Variants in THRAP3 observed in about 807,000 individuals in gnomAD.
THRAP3 encodes thyroid hormone receptor-associated protein 3.
THRAP3 carries 16 observed loss-of-function variants against 101.0 expected under a neutral mutation model. The ratio of observed to expected loss-of-function variants is 0.16; its 90% CI spans 0.11 to 0.24. The LOEUF (loss-of-function observed/expected upper bound fraction) is 0.24. Ranked by LOEUF, THRAP3 falls within the 10% of genes least tolerant of loss-of-function variation. THRAP3 has a pLI of 1.00. For synonymous variants in THRAP3, 407 were observed against 422.6 expected (o/e 0.96, Z 0.45); for missense variants, 989 against 1,202.7 (o/e 0.82, Z 2.63).
intron 1 of THRAP3, among the ~76,000 whole-genome samples, chr1:36,236,206 C>A (rs375497804): frequency 6.7e-5 from 10 of 148,296 alleles, no homozygotes; most frequent in Non-Finnish European, 1.0e-4. Context: ...GGTGACACAG[C>A]GAGACTCAGT....
intron 2 of THRAP3, 138 bp from the exon 3 acceptor site, chr1:36,282,395 A>ATTT: frequency 1.5e-5 from 9 of 598,386 alleles, no homozygotes; most frequent in South Asian, 2.3e-5. Context: ...ATTAAAAAAA[A>ATTT]ATTTTTTTTT....
chr1:36,281,336 CT>C (rs1320299877), intron 2 of THRAP3, among the ~76,000 whole-genome samples: 6 of 152,212 alleles, frequency 3.9e-5, no homozygotes, highest in African/African-American at 1.4e-4. Context: ...CTCACATCTC[CT>C]CATTACTTTT....
intron 2 of THRAP3, among the ~76,000 whole-genome samples, chr1:36,261,741 G>A (rs1570283862): frequency 1.3e-5 from 2 of 152,194 alleles, no homozygotes; most frequent in Admixed American, 6.5e-5. Flanking sequence ...GGAAGCAACC[G>A]GTCGGGTTCT....
chr1:36,222,897 G>A (rs866597857), upstream of THRAP3, among the ~76,000 whole-genome samples: 1 of 152,278 alleles, frequency 6.6e-6, no homozygotes, highest in Middle Eastern at 3.4e-3. Flanking sequence ...GGAAGGCCGA[G>A]GCAGGTGGAT....
intron 1 of THRAP3, among the ~76,000 whole-genome samples, chr1:36,247,805 A>G (rs1355054497): frequency 1.3e-5 from 2 of 150,088 alleles, no homozygotes; most frequent in African/African-American, 4.9e-5. Context: ...TGCACTTACC[A>G]TGTTGCCCAA....
chr1:36,293,624 CTG>C lies in THRAP3; in HGVS notation c.2031-224_2031-223del, dbSNP rs1217385937. On this transcript the variant is annotated intron_variant, in intron 7 of 11. Transcript: ENST00000354618. ...ACAAAAACCTCTAACTTCTGTTACA[CTG>C]TGGGAACCTGGGACTGTGTGTGTGT... Among the ~76,000 whole-genome samples the C allele has an allele frequency of 5.7e-5, 7 of 123,170 alleles. No homozygotes were observed. In the South Asian group the frequency reaches 1.3e-3, roughly 24 times the overall value. The allele number at this position is 123,170 out of a possible 152,430, so 80.8% of individuals were successfully genotyped here. A position where few individuals can be genotyped will look rare whatever the true frequency, so the allele number is the denominator to read the frequency against.
At chr1:36,251,034 C>T (rs574430254) in intron 1 of THRAP3, among the ~76,000 whole-genome samples, 28 of 152,060 alleles carry the variant, frequency 1.8e-4, no homozygotes, top group East Asian at 5.9e-4. Context: ...GGTGAGTCAC[C>T]GCACCTGGCC....
chr1:36,249,837 G>A (rs1357045084), intron 1 of THRAP3, among the ~76,000 whole-genome samples: 1 of 152,040 alleles, frequency 6.6e-6, no homozygotes, highest in Non-Finnish European at 1.5e-5. Context: ...GTTTGATTAA[G>A]GGTAGAAGCA....
chr1:36,296,726 A>G lies in THRAP3; in HGVS notation c.2259A>G (p.Ser753=). 1 of 1,604,026 alleles carries G rather than the reference A, an allele frequency of 6.2e-7. No individual in the cohort carries two copies. Reference sequence around the variant, plus strand: ...ACTCCAGTCACTCAAGGGAAAGGTCAGCTGAAAAAACAGAGAAAACTCATA... The same window carrying G: ...ACTCCAGTCACTCAAGGGAAAGGTCGGCTGAAAAAACAGAGAAAACTCATA... The part of the protein sequence containing the change: ...SRDSSHSRER[S]AEKTEKTHKG... Residue 753 remains serine, a synonymous_variant, in exon 9 of 12, where the codon TCA becomes TCG. Coordinates refer to ENST00000354618, the MANE Select transcript of THRAP3 (RefSeq NM_005119.4).
At chr1:36,266,985 A>G (rs1044510506) in intron 2 of THRAP3, among the ~76,000 whole-genome samples, 3 of 151,986 alleles carry the variant, frequency 2.0e-5, no homozygotes, top group Admixed American at 6.6e-5. Context: ...GGTTCAAGCA[A>G]TTCTCCTGTC....
chr1:36,271,195 G>A (rs1005666073), intron 2 of THRAP3, among the ~76,000 whole-genome samples: 2 of 152,150 alleles, frequency 1.3e-5, no homozygotes, highest in African/African-American at 4.8e-5. Context: ...TTTAAAGTAA[G>A]TTCTACCAAA....
At chr1:36,279,141 A>G (rs1352082197) in intron 2 of THRAP3, among the ~76,000 whole-genome samples, 1 of 152,100 alleles carries the variant, frequency 6.6e-6, no homozygotes, top group Non-Finnish European at 1.5e-5. Flanking sequence ...CTTCATCTTA[A>G]TGAAAATTAG....
chr1:36,219,195 G>A, the THRAP3 span, among the ~76,000 whole-genome samples: 492 of 152,226 alleles, frequency 3.2e-3, 3 homozygotes, highest in African/African-American at 0.012. Flanking sequence ...CTAGAACAAG[G>A]CTCCAACTCT....
chr1:36,295,418 C>G lies in THRAP3; in HGVS notation c.2116-1165C>G, dbSNP rs537609013. On this transcript the variant is annotated intron_variant, in intron 8 of 11. Coordinates refer to ENST00000354618, the MANE Select transcript of THRAP3 (RefSeq NM_005119.4). The stretch of plus-strand genomic sequence containing the variant: ...GGGATGTCCCGGAACTACCATGCAC[C>G]TTTGCCCCACCGAGTTTCCCAAGAA... 3.3e-5 allele frequency among the ~76,000 whole-genome samples: 5 copies of G among 152,270 alleles called. No homozygotes were observed. The East Asian group carries it at 7.7e-4, about 23-fold the overall frequency.
At chr1:36,216,701 C>T in the THRAP3 span, among the ~76,000 whole-genome samples, 1 of 151,880 alleles carries the variant, frequency 6.6e-6, no homozygotes, top group African/African-American at 2.4e-5. Flanking sequence ...GGGAGGATTG[C>T]TTGAGCCCAG....
At chr1:36,249,003 T>C (rs1645265328) in intron 1 of THRAP3, among the ~76,000 whole-genome samples, 1 of 151,032 alleles carries the variant, frequency 6.6e-6, no homozygotes, top group Non-Finnish European at 1.5e-5. Flanking sequence ...TGGGTTCAAA[T>C]GATTCTCCTG....
chr1:36,294,207 TGA>T (rs1557455371), intron 8 of THRAP3: 1 of 1,215,698 alleles, frequency 8.2e-7, no homozygotes, highest in East Asian at 3.6e-5. Flanking sequence ...GTGCCCATGA[TGA>T]GAGAAGAAAC....
chr1:36,218,641 G>A, the THRAP3 span, among the ~76,000 whole-genome samples: 2 of 151,668 alleles, frequency 1.3e-5, no homozygotes, highest in East Asian at 1.9e-4. Context: ...AGAATGGCAT[G>A]AACCCGGGAG....
chr1:36,218,902 G>A, the THRAP3 span, among the ~76,000 whole-genome samples: 3 of 151,284 alleles, frequency 2.0e-5, no homozygotes, highest in African/African-American at 4.8e-5. Flanking sequence ...GTGCAGTGGC[G>A]GGCGCCTGCA....
Sources: gnomAD v4.1 joint callset for allele counts (sites outside exome capture counted in the v4.1 genomes callset) on GRCh38, gnomAD v4.1.1 for gene constraint, MANE v1.5 for transcripts, NCBI Gene and HGNC (gene_info 2026-07-23, HGNC 2026-07-21) for gene names.